COBL: variants seen among roughly 807,000 people sequenced by gnomAD.
The protein encoded by COBL is protein cordon-bleu.
A neutral mutation model predicts 98.8 loss-of-function variants in COBL; 51 were observed. The observed-to-expected ratio is 0.52, with a 90% CI of 0.41 to 0.65. The LOEUF is 0.65. Ranked by LOEUF, COBL falls within the 30% of genes least tolerant of loss-of-function variation. COBL has a pLI of 0.00. For synonymous variants in COBL, 634 were observed against 651.7 expected (o/e 0.97, Z 0.41); for missense variants, 1,617 against 1,617.5 (o/e 1.00, Z 0.01).
At chr7:51,169,365 AC>A (rs1787637334) in intron 5 of COBL, among the ~76,000 whole-genome samples, 1 of 152,104 alleles carries the variant, frequency 6.6e-6, no homozygotes, top group South Asian at 2.1e-4. Context: ...AGCAAGCTGT[AC>A]CCCAACCCCC....
At chr7:51,256,066 G>C (rs1797171299) in intron 1 of COBL, among the ~76,000 whole-genome samples, 1 of 152,020 alleles carries the variant, frequency 6.6e-6, no homozygotes, top group Non-Finnish European at 1.5e-5. Flanking sequence ...AATGTGTTCT[G>C]GAATGCCGTG....
intron 7 of COBL, among the ~76,000 whole-genome samples, chr7:51,083,777 A>G (rs1003588725): frequency 1.3e-5 from 2 of 152,088 alleles, no homozygotes; most frequent in African/African-American, 4.8e-5. Flanking sequence ...GAATGTCCTG[A>G]GTTGTAGAGA....
chr7:51,188,628 G>A (rs1307675462), intron 4 of COBL, among the ~76,000 whole-genome samples: 1 of 152,212 alleles, frequency 6.6e-6, no homozygotes, highest in African/African-American at 2.4e-5. Context: ...CAAAGGAGTA[G>A]AGAGGGGGAC....
intron 1 of COBL, among the ~76,000 whole-genome samples, chr7:51,250,436 T>C (rs1414713586): frequency 2.6e-5 from 4 of 152,202 alleles, no homozygotes; most frequent in Non-Finnish European, 4.4e-5. Flanking sequence ...CAAGAAAACT[T>C]TGTAAAATGC....
chr7:51,132,860 C>G (rs2129002957), intron 6 of COBL, among the ~76,000 whole-genome samples: 1 of 152,156 alleles, frequency 6.6e-6, no homozygotes, highest in East Asian at 1.9e-4. Context: ...ACAATCAGAT[C>G]TCAGGTAAAC....
chr7:51,140,722 G>A (rs569088707), intron 5 of COBL, among the ~76,000 whole-genome samples: 1 of 152,306 alleles, frequency 6.6e-6, no homozygotes, highest in East Asian at 1.9e-4. Context: ...GGCCCTGACA[G>A]CACAAGTGCC....
chr7:51,259,905 AGGCCAAGGAATGTTATCT>A (rs1199241525), intron 1 of COBL: 1 of 755,834 alleles, frequency 1.3e-6, no homozygotes, highest in Non-Finnish European at 2.4e-6. Flanking sequence ...CGTACAATAA[AGGCCAAGGAATGTTATCT>A]GGCAATTCCA....
At chr7:51,264,851 T>C (rs572589574) in intron 1 of COBL, among the ~76,000 whole-genome samples, 6 of 152,116 alleles carry the variant, frequency 3.9e-5, no homozygotes, top group Non-Finnish European at 8.8e-5. Flanking sequence ...TACATTGTTC[T>C]CTCTCATACA....
chr7:51,055,538 C>T (rs529307598), intron 7 of COBL, among the ~76,000 whole-genome samples: 1 of 152,168 alleles, frequency 6.6e-6, no homozygotes, highest in Non-Finnish European at 1.5e-5. Context: ...GATGGTCTTG[C>T]ACTTGGCCCG....
intron 6 of COBL, among the ~76,000 whole-genome samples, chr7:51,107,244 G>A (rs113068697): frequency 0.082 from 12,462 of 151,732 alleles, 738 homozygotes; most frequent in South Asian, 0.12. Flanking sequence ...ACAGGCGCAC[G>A]CCACCATGCC....
intron 1 of COBL, among the ~76,000 whole-genome samples, chr7:51,248,237 A>G (rs1252732877): frequency 6.6e-6 from 1 of 152,230 alleles, no homozygotes; most frequent in African/African-American, 2.4e-5. Flanking sequence ...TGGTTATGAA[A>G]CGATTCATAT....
At chr7:51,288,484 G>A (rs12719050) in intron 1 of COBL, among the ~76,000 whole-genome samples, 45,991 of 150,056 alleles carry the variant, frequency 0.31, 8,921 homozygotes, top group Non-Finnish European at 0.43. Context: ...TGGGCGTGAT[G>A]ACTCACACCT....
In COBL at chr7:51,017,923, A is replaced by G. The variant is rs1173102194; in HGVS notation, c.3769-355T>C. Among the ~76,000 whole-genome samples the G allele has an allele frequency of 3.9e-5, 6 of 152,284 alleles. No individual in the cohort carries two copies. The East Asian group carries it at 1.2e-3, about 29-fold the overall frequency. ...CTTGCCCTCTGCTCAGGTGTGCCTG[A>G]GAGGATCGTGACTAACATTTGATGT... On this transcript the variant is annotated intron_variant, in intron 12 of 12. Coordinates refer to ENST00000265136, the MANE Select transcript of COBL (RefSeq NM_015198.5).
intron 1 of COBL, among the ~76,000 whole-genome samples, chr7:51,291,742 C>G (rs315096): frequency 0.08 from 12,148 of 151,802 alleles, 645 homozygotes; most frequent in East Asian, 0.3. Context: ...GCCAGGGCAA[C>G]AAATCGAGAC....
At chr7:51,158,882 GGGGGACAGGGAAGGCACAGCGCC>G (rs1351072601) in intron 5 of COBL, among the ~76,000 whole-genome samples, 37 of 152,120 alleles carry the variant, frequency 2.4e-4, no homozygotes, top group Middle Eastern at 3.4e-3. Context: ...GGGAAGGCGT[GGGGGACAGGGAAGGCACAGCGCC>G]GGGGACAGGG....
chr7:51,021,043 A>AT (rs1253665598), intron 12 of COBL: 1 of 152,162 alleles, frequency 6.6e-6, no homozygotes, highest in Admixed American at 6.5e-5. Context: ...GGGCACCCTC[A>AT]TTGAAAGGAG....
intron 4 of COBL, among the ~76,000 whole-genome samples, chr7:51,185,931 C>CCA (rs1434554348): frequency 1.3e-5 from 2 of 152,220 alleles, no homozygotes; most frequent in African/African-American, 4.8e-5. Context: ...CACATCCTAG[C>CCA]CACCAGGGCA....
chr7:51,307,898 T>C (rs944798737), intron 1 of COBL, among the ~76,000 whole-genome samples: 12 of 152,350 alleles, frequency 7.9e-5, no homozygotes, highest in African/African-American at 2.6e-4. Context: ...TTGGCTCTTG[T>C]GAGAGATCTG....
intron 2 of COBL, among the ~76,000 whole-genome samples, chr7:51,202,118 C>G (rs561749445): frequency 2.0e-5 from 3 of 152,192 alleles, no homozygotes; most frequent in South Asian, 4.2e-4. Context: ...GGCCTCAGAC[C>G]TCAAGAGTAA....
Sources: allele counts gnomAD v4.1 joint callset (sites outside exome capture counted in the v4.1 genomes callset), GRCh38; gene constraint gnomAD v4.1.1; transcripts MANE v1.5; gene names NCBI Gene and HGNC (gene_info 2026-07-23, HGNC 2026-07-21).